The following NTNG1 variants were observed in gnomAD, a reference collection of about 807,000 sequenced individuals.
The protein encoded by NTNG1 is netrin G1, also known as netrin-G1.
NTNG1 carries 16 observed loss-of-function variants against 54.0 expected under a neutral mutation model. The ratio of observed to expected loss-of-function variants is 0.30; its 90% CI spans 0.20 to 0.45. The LOEUF (loss-of-function observed/expected upper bound fraction) is 0.45, where lower values mean the gene tolerates loss of function less well. Ranked by LOEUF, NTNG1 falls within the 20% of genes least tolerant of loss-of-function variation. The pLI is 1.00. For synonymous variants in NTNG1, 255 were observed against 263.1 expected (o/e 0.97, Z 0.30); for missense variants, 530 against 678.7 (o/e 0.78, Z 2.43).
intron 2 of NTNG1, among the ~76,000 whole-genome samples, chr1:107,230,167 T>C (rs553930601): frequency 6.6e-6 from 1 of 152,320 alleles, no homozygotes; most frequent in African/African-American, 2.4e-5. Flanking sequence ...ATTGTGGCTG[T>C]TTGTTACACT....
At chr1:107,181,039 T>C (rs1024185533) in intron 2 of NTNG1, among the ~76,000 whole-genome samples, 3 of 152,198 alleles carry the variant, frequency 2.0e-5, no homozygotes, top group Middle Eastern at 3.2e-3. Flanking sequence ...ATTCCCCTCC[T>C]GCAAGTGGCC....
At chr1:107,153,829 T>A (rs1481904186) in intron 2 of NTNG1, among the ~76,000 whole-genome samples, 1 of 152,188 alleles carries the variant, frequency 6.6e-6, no homozygotes, top group Non-Finnish European at 1.5e-5. Context: ...ACAACTGGAT[T>A]TGAGTTGAAA....
intron 3 of NTNG1, among the ~76,000 whole-genome samples, chr1:107,326,895 T>C (rs900198198): frequency 4.6e-5 from 7 of 152,164 alleles, no homozygotes; most frequent in South Asian, 4.1e-4. Context: ...GGCATTTTTC[T>C]GCATTCTCCA....
intron 5 of NTNG1, chr1:107,409,879 A>C (rs1570899811): frequency 1.3e-5 from 2 of 152,118 alleles, no homozygotes; most frequent in East Asian, 3.9e-4. Flanking sequence ...CTTTAATGGC[A>C]TTCGAAAGTT....
chr1:107,418,989 CTTATTT>C (rs1674401365), intron 5 of NTNG1, among the ~76,000 whole-genome samples: 1 of 151,972 alleles, frequency 6.6e-6, no homozygotes, highest in South Asian at 2.1e-4. Flanking sequence ...ATGTCTTCCT[CTTATTT>C]TTAAGTCAAC....
At chr1:107,224,916 C>T (rs1461860903) in intron 2 of NTNG1, among the ~76,000 whole-genome samples, 1 of 152,102 alleles carries the variant, frequency 6.6e-6, no homozygotes, top group Non-Finnish European at 1.5e-5. Context: ...ATCTCTAAGG[C>T]TCAGTTTCTC....
intron 2 of NTNG1, among the ~76,000 whole-genome samples, chr1:107,281,389 T>C (rs1664851028): frequency 6.6e-6 from 1 of 152,014 alleles, no homozygotes; most frequent in African/African-American, 2.4e-5. Context: ...ATTAGTCTTC[T>C]TCTAAAAAAA....
At position 107,434,726 on chromosome 1, in the gene NTNG1, T is replaced by C. The variant is rs115254291; in HGVS notation, c.1256-1939T>C. 5.8e-3 allele frequency among the ~76,000 whole-genome samples: 884 copies of C among 152,286 alleles called. 13 individuals carry two copies. The highest frequency in any genetic ancestry group is 0.02 in the African/African-American group (845 of 41,586). ...TATAACTTTTAAATGAAGCACCCCC[T>C]GCCAGGTATTTTACGTTGCTTTGTA... On this transcript the variant is annotated intron_variant, in intron 6 of 7. Transcript: ENST00000370068.
At position 107,440,438 on chromosome 1, in the gene NTNG1, C is replaced by A. The variant is rs1675896347; in HGVS notation, c.1390+3639C>A. 2.0e-5 allele frequency among the ~76,000 whole-genome samples: 3 copies of A among 152,086 alleles called. No individual in the cohort carries two copies. In the South Asian group the frequency reaches 6.2e-4, roughly 32 times the overall value. On this transcript the variant is annotated intron_variant, in intron 7 of 7. Transcript: ENST00000370068. ...GCAAGACTAAGAGGAAATTACTTGG[C>A]CCGTCTAAGCCTGGTGTTTCATCTA...
intron 2 of NTNG1, among the ~76,000 whole-genome samples, chr1:107,171,917 TTTTTTATTTTTTA>T (rs1656274690): frequency 2.0e-5 from 3 of 152,196 alleles, no homozygotes; most frequent in South Asian, 2.1e-4. Context: ...TTTTCCTTGG[TTTTTTATTTTTTA>T]TTTTTATTTT....
intron 2 of NTNG1, among the ~76,000 whole-genome samples, chr1:107,294,186 G>A (rs1014835047): frequency 1.3e-5 from 2 of 152,170 alleles, no homozygotes; most frequent in Admixed American, 6.5e-5. Flanking sequence ...TGGAGCCTGA[G>A]AACAACAGGG....
rs562244291 is a variant in NTNG1, at chr1:107,247,939, C to T, written c.247-76343C>T. ...ATGAGGTGAAAAGTGGATGGAGAGG[C>T]TCAGACTCACCAACTACAGTTGTTC... On this transcript the variant is annotated intron_variant, in intron 2 of 7. Transcript: ENST00000370068. Among the ~76,000 whole-genome samples, 4 of 152,324 alleles carry T rather than the reference C, an allele frequency of 2.6e-5. No individual in the cohort carries two copies. In the South Asian group the frequency reaches 8.3e-4, roughly 32 times the overall value.
intron 2 of NTNG1, among the ~76,000 whole-genome samples, chr1:107,188,111 T>C (rs150828649): frequency 3.9e-5 from 6 of 152,302 alleles, no homozygotes; most frequent in Non-Finnish European, 7.4e-5. Context: ...TACATCTTAT[T>C]TGACAGTTTT....
At chr1:107,422,317 T>C (rs1674622893) in intron 5 of NTNG1, among the ~76,000 whole-genome samples, 1 of 151,932 alleles carries the variant, frequency 6.6e-6, no homozygotes, top group African/African-American at 2.4e-5. Context: ...AGGGATGCCA[T>C]ATGGAAAGAA....
intron 2 of NTNG1, among the ~76,000 whole-genome samples, chr1:107,286,456 C>T (rs1215543462): frequency 6.6e-6 from 1 of 152,142 alleles, no homozygotes; most frequent in African/African-American, 2.4e-5. Flanking sequence ...CTGAAGCTGA[C>T]AGGATCTTGT....
chr1:107,174,869 C>T (rs12060569), intron 2 of NTNG1, among the ~76,000 whole-genome samples: 7,539 of 151,864 alleles, frequency 0.05, 629 homozygotes, highest in African/African-American at 0.17. Flanking sequence ...TGATATATAA[C>T]AGATACTTCA....
intron 2 of NTNG1, among the ~76,000 whole-genome samples, chr1:107,260,295 C>T (rs987926814): frequency 2.0e-5 from 3 of 152,134 alleles, no homozygotes; most frequent in South Asian, 4.1e-4. Context: ...GAGGCTTTGG[C>T]GAATGGAGAA....
At chr1:107,379,870 G>A (rs917277884) in intron 3 of NTNG1, among the ~76,000 whole-genome samples, 3 of 152,110 alleles carry the variant, frequency 2.0e-5, no homozygotes, top group African/African-American at 7.2e-5. Flanking sequence ...TGAGATAGAA[G>A]ACCAGGATAC....
chr1:107,436,902 C>A, intron 7 of NTNG1, 103 bp downstream of exon 7: 2 of 1,079,190 alleles, frequency 1.9e-6, no homozygotes, highest in Non-Finnish European at 2.7e-6. Context: ...AGATCCAAAC[C>A]GCTGACAAGT....
Sources: allele counts gnomAD v4.1 joint callset (sites outside exome capture counted in the v4.1 genomes callset), GRCh38; gene constraint gnomAD v4.1.1; transcripts MANE v1.5; gene names NCBI Gene and HGNC (gene_info 2026-07-23, HGNC 2026-07-21).